Variants in AFF3 observed in about 807,000 individuals in gnomAD.
The protein encoded by AFF3 is AF4/FMR2 family member 3.
AFF3 carries 32 observed loss-of-function variants against 129.7 expected under a neutral mutation model. The ratio of observed to expected loss-of-function variants is 0.25; its 90% confidence interval spans 0.19 to 0.33. AFF3 has a LOEUF of 0.33. AFF3 is among the 10% of genes least tolerant of loss of function. The pLI, the probability that AFF3 is intolerant of heterozygous loss-of-function variation, is 1.00. For synonymous variants in AFF3, 644 were observed against 635.4 expected, an observed-to-expected ratio of 1.01 and a Z score of -0.20; for missense variants, 1,373 against 1,592.0, an observed-to-expected ratio of 0.86 and a Z score of 2.34.
chr2:99,920,113 C>T (rs1269938672), intron 7 of AFF3, among the ~76,000 whole-genome samples: 1 of 151,942 alleles, frequency 6.6e-6, no homozygotes, highest in Admixed American at 6.6e-5. Context: ...CTAAATGTCT[C>T]CACTGGTAAG....
chr2:100,000,999 T>G (rs1259822498), intron 7 of AFF3, among the ~76,000 whole-genome samples: 1 of 152,226 alleles, frequency 6.6e-6, no homozygotes, highest in African/African-American at 2.4e-5. Flanking sequence ...CACATCACTT[T>G]CAACCAACTC....
chr2:99,886,880 C>A (rs1289708769), intron 7 of AFF3, among the ~76,000 whole-genome samples: 1 of 152,134 alleles, frequency 6.6e-6, no homozygotes, highest in Non-Finnish European at 1.5e-5. Context: ...TTAAAGACTT[C>A]AATTTAGGAA....
At chr2:99,823,060 T>C (rs1406907382) in intron 8 of AFF3, among the ~76,000 whole-genome samples, 1 of 152,188 alleles carries the variant, frequency 6.6e-6, no homozygotes, top group Non-Finnish European at 1.5e-5. Context: ...GCTTTCCCTC[T>C]GGTTATCTGT....
intron 24 of AFF3, 115 bp from the exon 25 acceptor site, chr2:99,551,710 G>A (rs555162482): frequency 4.0e-5 from 52 of 1,295,578 alleles, no homozygotes; most frequent in Admixed American, 1.1e-4. Context: ...AGGATTCTCC[G>A]TTCCATCATG....
chr2:99,588,046 C>T (rs1678305825), intron 15 of AFF3, among the ~76,000 whole-genome samples: 1 of 151,680 alleles, frequency 6.6e-6, no homozygotes, highest in African/African-American at 2.4e-5. Context: ...TTGTGAACTG[C>T]AAGCAGAAGC....
intron 8 of AFF3, among the ~76,000 whole-genome samples, chr2:99,785,402 G>A (rs1684717295): frequency 6.6e-6 from 1 of 152,134 alleles, no homozygotes; most frequent in Non-Finnish European, 1.5e-5. Context: ...GCGCTAGTTC[G>A]AAAATTATAT....
At position 99,554,689 on chromosome 2, in the gene AFF3, C is replaced by T. The variant is rs763781959; in HGVS notation, c.3329G>A (p.Ser1110Asn). The T allele has an allele frequency of 8.1e-6, 13 of 1,614,096 alleles. No individual in the cohort carries two copies. The highest frequency in any genetic ancestry group is 5.9e-6 in the Non-Finnish European group (7 of 1,180,042). ...AAQAPSPWGA[S>N]GKSTGTPSPM... ...TTTGGAAAAGCGAACTTACTTTCCA[C>T]TGGCCCCCCACGGAGATGGGGCTTG... The change falls in exon 23 of 25, where the codon AGT becomes AAT. Residue 1110 changes from serine to asparagine, a missense_variant. Ser to Asn is a conservative substitution (Grantham distance 46). Transcript: ENST00000672756.
intron 7 of AFF3, among the ~76,000 whole-genome samples, chr2:99,930,696 G>C (rs188915889): frequency 3.3e-5 from 5 of 152,164 alleles, no homozygotes; most frequent in African/African-American, 4.8e-5. Context: ...TATGCAGATG[G>C]GGGGAGGGAA....
At chr2:99,675,854 C>T (rs1488265903) in intron 11 of AFF3, among the ~76,000 whole-genome samples, 8 of 152,180 alleles carry the variant, frequency 5.3e-5, no homozygotes, top group Admixed American at 5.2e-4. Context: ...TATCATTTGT[C>T]TGTTTCCCTG....
chr2:99,590,880 C>A (rs1678601190), intron 15 of AFF3, among the ~76,000 whole-genome samples: 1 of 151,776 alleles, frequency 6.6e-6, no homozygotes, highest in African/African-American at 2.4e-5. Flanking sequence ...GTAATCCAAG[C>A]TACTCGGGAG....
intron 9 of AFF3, among the ~76,000 whole-genome samples, chr2:99,750,258 G>A (rs1327741614): frequency 6.6e-6 from 1 of 151,990 alleles, no homozygotes; most frequent in Non-Finnish European, 1.5e-5. Flanking sequence ...ATTTGCAAAG[G>A]AAAAACAGTC....
intron 11 of AFF3, among the ~76,000 whole-genome samples, chr2:99,715,112 G>C (rs1413251812): frequency 1.3e-5 from 2 of 152,230 alleles, no homozygotes; most frequent in Non-Finnish European, 2.9e-5. Flanking sequence ...CACGCTTCTT[G>C]CTGATGGTCC....
chr2:99,552,645 G>A (rs1674513392), intron 24 of AFF3, among the ~76,000 whole-genome samples: 1 of 152,180 alleles, frequency 6.6e-6, no homozygotes, highest in African/African-American at 2.4e-5. Flanking sequence ...CTGGGGCAGG[G>A]ATGGGGAGGT....
intron 4 of AFF3, among the ~76,000 whole-genome samples, chr2:100,033,157 G>A (rs929282732): frequency 1.3e-5 from 2 of 152,248 alleles, no homozygotes; most frequent in South Asian, 2.1e-4. Flanking sequence ...TGGAAGCATG[G>A]AGATGGAGTT....
At chr2:99,628,864 G>T (rs1682855931) in intron 13 of AFF3, among the ~76,000 whole-genome samples, 1 of 152,042 alleles carries the variant, frequency 6.6e-6, no homozygotes, top group Admixed American at 6.6e-5. Context: ...GGGATTACAG[G>T]CGCGTGCCAC....
At chr2:99,647,771 G>C (rs1684825250) in intron 13 of AFF3, among the ~76,000 whole-genome samples, 1 of 152,200 alleles carries the variant, frequency 6.6e-6, no homozygotes, top group African/African-American at 2.4e-5. Context: ...AATAGAAAAA[G>C]TGCTACAGTA....
intron 7 of AFF3, among the ~76,000 whole-genome samples, chr2:99,886,809 A>G (rs998313105): frequency 6.6e-6 from 1 of 152,242 alleles, no homozygotes; most frequent in African/African-American, 2.4e-5. Flanking sequence ...ATGGCCAAAG[A>G]GCAGTATTTG....
At chr2:99,603,350 T>C (rs1680019608) in intron 13 of AFF3, among the ~76,000 whole-genome samples, 2 of 152,202 alleles carry the variant, frequency 1.3e-5, no homozygotes, top group South Asian at 4.1e-4. Context: ...GTTAATAGTC[T>C]GTAGAACCTG....
At chr2:99,553,841 G>C (rs1027037236) in intron 24 of AFF3, among the ~76,000 whole-genome samples, 8 of 143,878 alleles carry the variant, frequency 5.6e-5, no homozygotes, top group Non-Finnish European at 8.9e-5. Context: ...TTGAACCCAG[G>C]AGACGGAGGT....
Sources: allele counts gnomAD v4.1 joint callset (sites outside exome capture counted in the v4.1 genomes callset), GRCh38; gene constraint gnomAD v4.1.1; transcripts MANE v1.5; gene names NCBI Gene and HGNC (gene_info 2026-07-23, HGNC 2026-07-21).